The following ZZEF1 variants were observed in gnomAD, a reference collection of about 807,000 sequenced individuals.
The protein encoded by ZZEF1 is zinc finger ZZ-type and EF-hand domain containing 1.
ZZEF1 carries 157 observed loss-of-function variants against 342.8 expected under a neutral mutation model. The observed-to-expected ratio is 0.46, with a 90% CI of 0.40 to 0.52. The LOEUF (loss-of-function observed/expected upper bound fraction) is 0.52, where lower values mean the gene tolerates loss of function less well. Ranked by LOEUF, ZZEF1 falls within the 20% of genes least tolerant of loss-of-function variation. The pLI is 0.00. For synonymous variants in ZZEF1, 1,505 were observed against 1,429.1 expected, an observed-to-expected ratio of 1.05 and a Z score of -1.20; for missense variants, 3,480 against 3,725.6, an observed-to-expected ratio of 0.93 and a Z score of 1.72.
rs925366707 is a variant in ZZEF1 at position 4,104,491 on chromosome 17, G to C, written c.1573+142C>G. ...ATCCTAGTAAGGTCTGATACTCAGA[G>C]GATACGTTCATCCAGGAATCATGGT... On this transcript the variant is annotated intron_variant, in intron 8 of 54. Coordinates refer to ENST00000381638, the MANE Select transcript of ZZEF1 (RefSeq NM_015113.4). The C allele has an allele frequency of 5.9e-6, 5 of 853,300 alleles. No individual in the cohort carries two copies. The Admixed American group carries it at 1.4e-4, about 23-fold the overall frequency. 52.9% of individuals were successfully genotyped at this position (853,300 alleles called of 1,614,324 possible). A position where few individuals can be genotyped will look rare whatever the true frequency, so the allele number is the denominator to read the frequency against.
chr17:4,136,895 T>C (rs767272898), intron 1 of ZZEF1, among the ~76,000 whole-genome samples: 1 of 152,128 alleles, frequency 6.6e-6, no homozygotes, highest in Non-Finnish European at 1.5e-5. Context: ...CTTGTTGTGA[T>C]GAAGCCTTTC....
At chr17:4,044,424 G>A (rs775719153) in intron 37 of ZZEF1, 50 bp from the exon 38 acceptor site, 16 of 1,537,646 alleles carry the variant, frequency 1.0e-5, no homozygotes, top group Middle Eastern at 1.8e-4. Flanking sequence ...AACAAAGTTT[G>A]CTCCATGATT....
Position 4,077,848 on chromosome 17 carries a change from C to T in ZZEF1, c.2989+35G>A, listed in dbSNP as rs1328487474. 10 of 1,606,798 alleles carry T rather than the reference C, an allele frequency of 6.2e-6. No homozygotes were observed. In the South Asian group the frequency reaches 7.7e-5, roughly 12 times the overall value. ...AACACTCAGAGTCAAAACCCAAACG[C>T]CATCTGTTTTCATGGATTTTATATT... On this transcript the variant is annotated intron_variant, in intron 19 of 54. Transcript: ENST00000381638.
At chr17:4,112,430 G>C (rs2058328437) in intron 5 of ZZEF1, among the ~76,000 whole-genome samples, 179 bp downstream of exon 5, 1 of 152,176 alleles carries the variant, frequency 6.6e-6, no homozygotes, top group Non-Finnish European at 1.5e-5. Flanking sequence ...ACAGGCGTGA[G>C]CCAGCATGCC....
chr17:4,097,963 T>TG (rs1322298780), intron 9 of ZZEF1, among the ~76,000 whole-genome samples: 1 of 117,862 alleles, frequency 8.5e-6, no homozygotes, highest in Non-Finnish European at 1.8e-5. Flanking sequence ...TCAAGGTGGG[T>TG]GTGGTGGCTC....
chr17:4,129,407 C>T (rs1314281809), intron 1 of ZZEF1, among the ~76,000 whole-genome samples: 1 of 152,148 alleles, frequency 6.6e-6, no homozygotes, highest in Non-Finnish European at 1.5e-5. Context: ...AATATCATTC[C>T]ACCATAAAGA....
intron 2 of ZZEF1, among the ~76,000 whole-genome samples, chr17:4,118,164 T>G (rs1423621981): frequency 6.6e-6 from 1 of 152,104 alleles, no homozygotes; most frequent in Non-Finnish European, 1.5e-5. Context: ...CTCATGTAAT[T>G]TACTTGTGCC....
chr17:4,017,770 T>C lies in ZZEF1; in HGVS notation c.7642-40A>G. ...CCACCATTACAGAGGTCTAGCCTTC[T>C]TACAGTGGTGGTATGGGGTGGGGGA... On this transcript the variant is annotated intron_variant, in intron 47 of 54. Transcript: ENST00000381638. This position sits in a 1 kb window ranked among gnomAD's most constrained non-coding sequence, Gnocchi z 5.1. 1 of 1,613,236 alleles carries C rather than the reference T, an allele frequency of 6.2e-7. No individual in the cohort carries two copies. The highest frequency in any genetic ancestry group is 8.5e-7 in the Non-Finnish European group (1 of 1,179,670).
At chr17:4,114,237 G>C (rs2058358438) in intron 4 of ZZEF1, 62 bp downstream of exon 4, 10 of 1,296,872 alleles carry the variant, frequency 7.7e-6, no homozygotes, top group Non-Finnish European at 9.2e-6. Flanking sequence ...ACAAAGAGTA[G>C]GCAGTTAAGA....
chr17:4,060,098 T>C (rs942034721), intron 30 of ZZEF1, among the ~76,000 whole-genome samples: 5 of 152,262 alleles, frequency 3.3e-5, no homozygotes, highest in African/African-American at 1.2e-4. Context: ...TTCCTCCATG[T>C]ACTTGCCTGA....
intron 4 of ZZEF1, among the ~76,000 whole-genome samples, chr17:4,113,531 G>A (rs2145495042): frequency 6.6e-6 from 1 of 152,272 alleles, no homozygotes; most frequent in Admixed American, 6.5e-5. Flanking sequence ...TGAGTGTGGT[G>A]GTGGGCAGCT....
chr17:4,076,995 G>A lies in ZZEF1; in HGVS notation c.2990-6C>T, dbSNP rs546895241. 6.2e-6 allele frequency: 10 copies of A among 1,608,214 alleles called. No individual in the cohort carries two copies. Among genetic ancestry groups the A allele is most frequent in the Middle Eastern group, 1.7e-4 (1 of 5,980 alleles). ...TGCCAGAAACTGGCCCACATCTACC[G>A]AAACAAAGAAAATAATTAATATATT... is the stretch of plus-strand genomic sequence containing the variant. On this transcript the variant is annotated splice_polypyrimidine_tract_variant and splice_region_variant and intron_variant, in intron 19 of 54. Transcript: ENST00000381638.
chr17:4,124,151 T>TTAA, intron 1 of ZZEF1, 100 bp from the exon 2 acceptor site: 1 of 1,409,864 alleles, frequency 7.1e-7, no homozygotes, highest in Non-Finnish European at 9.4e-7. Context: ...GTGATTTATT[T>TTAA]ATTTTTGGTT....
chr17:4,031,910 T>C (rs536737190), intron 42 of ZZEF1, among the ~76,000 whole-genome samples: 3 of 152,128 alleles, frequency 2.0e-5, no homozygotes, highest in South Asian at 4.1e-4. Context: ...CACAGAGCCA[T>C]ATACACAAAA....
intron 52 of ZZEF1, 123 bp downstream of exon 52, chr17:4,013,326 C>T (rs573340856): frequency 2.0e-6 from 2 of 983,828 alleles, no homozygotes; most frequent in East Asian, 3.0e-5. Context: ...GACTGAAAAA[C>T]TGGAAGACAT....
At chr17:4,049,607 T>C in intron 37 of ZZEF1, 101 bp downstream of exon 37, 9 of 1,406,652 alleles carry the variant, frequency 6.4e-6, no homozygotes, top group Non-Finnish European at 7.8e-6. Flanking sequence ...CAGTCTGGGT[T>C]AGGAGTCTGT....
At chr17:4,134,347 T>C (rs1256547602) in intron 1 of ZZEF1, among the ~76,000 whole-genome samples, 1 of 140,084 alleles carries the variant, frequency 7.1e-6, no homozygotes, top group Non-Finnish European at 1.5e-5. Context: ...TATATTTATA[T>C]ATATTTATAT....
chr17:4,006,835 C>G lies in ZZEF1; in HGVS notation c.*55G>C. 5 of 1,535,144 alleles carry G rather than the reference C, an allele frequency of 3.3e-6. No homozygotes were observed. Among genetic ancestry groups the G allele is most frequent in the Non-Finnish European group, 4.4e-6 (5 of 1,131,172 alleles). ...AGTTTTCCTGAATGAGGTTAGATGT[C>G]TGCTCTAAAATCCCTGTGGCAGATG... On this transcript the variant is annotated 3_prime_UTR_variant, in exon 55 of 55. Transcript: ENST00000381638.
chr17:4,059,257 A>G lies in ZZEF1; in HGVS notation c.4917T>C (p.Asp1639=). 6.2e-7 allele frequency: 1 copy of G among 1,607,408 alleles called. No homozygotes were observed. The highest frequency in any genetic ancestry group is 8.5e-7 in the Non-Finnish European group (1 of 1,178,878). The change falls in exon 31 of 55, where the codon GAT becomes GAC. Residue 1639 remains aspartate, a synonymous_variant. Coordinates refer to ENST00000381638, the MANE Select transcript of ZZEF1 (RefSeq NM_015113.4). Reference sequence around the variant, plus strand: ...AAGTGTCTCGAATTTCTTTGTGTAGATCAGCACCACAGCCTTCCAGGTGTC... The same window carrying G: ...AAGTGTCTCGAATTTCTTTGTGTAGGTCAGCACCACAGCCTTCCAGGTGTC... The part of the protein sequence containing the change: ...YFGHLEGCGA[D]LHKEIRDTYY...
Sources: gnomAD v4.1 joint callset for allele counts (sites outside exome capture counted in the v4.1 genomes callset) on GRCh38, gnomAD v4.1.1 for gene constraint, Gnocchi (gnomAD v3.1) non-coding constraint, MANE v1.5 for transcripts, NCBI Gene and HGNC (gene_info 2026-07-23, HGNC 2026-07-21) for gene names.